The following CARD8 variants were observed in gnomAD, a reference collection of about 807,000 sequenced individuals.
CARD8 encodes caspase recruitment domain family member 8.
CARD8 carries 38 observed loss-of-function variants against 53.2 expected under a neutral mutation model. The ratio of observed to expected loss-of-function variants is 0.71; its 90% CI spans 0.55 to 0.94. The LOEUF (loss-of-function observed/expected upper bound fraction) is 0.94. CARD8 is among the 40% of genes least tolerant of loss of function. CARD8 has a pLI of 0.00. For missense variants in CARD8, 561 were observed against 655.5 expected (o/e 0.86, Z 1.57); for synonymous variants, 245 against 244.9 (o/e 1.00, Z 0.00).
downstream of CARD8, chr19:48,206,395 G>C (rs1287156774): frequency 2.2e-6 from 1 of 456,780 alleles, no homozygotes; most frequent in Non-Finnish European, 4.4e-6. Context: ...GTATTGGATA[G>C]TGAAGATCTA....
chr19:48,230,401 C>T lies in CARD8; in HGVS notation c.1035+37G>A, dbSNP rs755601414. ...CAAGGGGATAACCTGGAAATATAAT[C>T]GTCATCTTCTCTGGTCTCCTAAATC... On this transcript the variant is annotated intron_variant, in intron 10 of 13. Coordinates refer to ENST00000651546, the MANE Select transcript of CARD8 (RefSeq NM_001184900.3). The T allele has an allele frequency of 2.6e-6, 4 of 1,556,032 alleles. No individual in the cohort carries two copies. The Admixed American group carries it at 5.6e-5, about 22-fold the overall frequency.
intron 8 of CARD8, among the ~76,000 whole-genome samples, chr19:48,231,298 AT>A (rs1205959935): frequency 6.6e-6 from 1 of 152,030 alleles, no homozygotes; most frequent in Non-Finnish European, 1.5e-5. Flanking sequence ...TTTTGTATTT[AT>A]ATTTTTATTT....
chr19:48,253,541 G>C (rs1295814982), intron 1 of CARD8, among the ~76,000 whole-genome samples: 1 of 152,072 alleles, frequency 6.6e-6, no homozygotes. Context: ...GGCTTCAAGA[G>C]CATTTCCCTC....
At chr19:48,253,702 A>G (rs2147180277) in intron 1 of CARD8, among the ~76,000 whole-genome samples, 1 of 152,340 alleles carries the variant, frequency 6.6e-6, no homozygotes, top group Non-Finnish European at 1.5e-5. Flanking sequence ...AGCATTACTA[A>G]GTATAAAGTA....
chr19:48,252,803 G>GTATATATA (rs370220292), intron 1 of CARD8, among the ~76,000 whole-genome samples: 48 of 60,820 alleles, frequency 7.9e-4, no homozygotes, highest in African/African-American at 1.3e-3. Flanking sequence ...GGCCTTATCA[G>GTATATATA]TATATACACA....
At chr19:48,212,414 T>C (rs555985369) in intron 13 of CARD8, among the ~76,000 whole-genome samples, 122 of 152,286 alleles carry the variant, frequency 8.0e-4, no homozygotes, top group African/African-American at 2.6e-3. Context: ...GGCAGAGCTA[T>C]GAAAGAAGAG....
chr19:48,224,065 G>GA (rs2041251487), intron 10 of CARD8, among the ~76,000 whole-genome samples: 1 of 152,096 alleles, frequency 6.6e-6, no homozygotes, highest in Non-Finnish European at 1.5e-5. Context: ...AGGTTCAAGC[G>GA]ATTCTCCTGC....
Position 48,210,548 on chromosome 19 carries a change from ACTATATC to A in CARD8, c.*1155_*1161del, listed in dbSNP as rs1441935805. The A allele has an allele frequency of 1.3e-5, 2 of 152,206 alleles. No homozygotes were observed. The highest frequency in any genetic ancestry group is 2.9e-5 in the Non-Finnish European group (2 of 68,020). The allele number at this position is 152,206 out of a possible 1,614,324, so 9.4% of individuals were successfully genotyped here. A position where few individuals can be genotyped will look rare whatever the true frequency, so the allele number is the denominator to read the frequency against. The stretch of plus-strand genomic sequence containing the variant: ...ATACAGAAAGATTATGTAGAAGATA[ACTATATC>A]CTAGATGAGAAAAGGTAATAGGATC... On this transcript the variant is annotated 3_prime_UTR_variant, in exon 14 of 14. Coordinates refer to ENST00000651546, the MANE Select transcript of CARD8 (RefSeq NM_001184900.3).
chr19:48,219,080 T>C, intron 11 of CARD8, 68 bp from the exon 12 acceptor site: 1 of 1,469,406 alleles, frequency 6.8e-7, no homozygotes, highest in South Asian at 1.2e-5. Context: ...TACAGTGAAC[T>C]GGCCAATGGA....
chr19:48,223,487 G>A (rs2041111237), intron 10 of CARD8, among the ~76,000 whole-genome samples: 1 of 152,048 alleles, frequency 6.6e-6, no homozygotes, highest in Non-Finnish European at 1.5e-5. Flanking sequence ...TATCCAGGAG[G>A]CATCACATAT....
intron 6 of CARD8, 121 bp downstream of exon 6, chr19:48,234,282 T>C: frequency 1.0e-6 from 1 of 999,172 alleles, no homozygotes; most frequent in Non-Finnish European, 1.5e-6. Flanking sequence ...TAGTATTGCA[T>C]AAGCTCATTC....
Position 48,238,386 on chromosome 19 carries a change from T to TC in CARD8, c.205dup (p.Asp69GlyfsTer12), listed in dbSNP as rs1375006446. On this transcript the variant is annotated frameshift_variant, in exon 5 of 14. Transcript: ENST00000651546. LOFTEE classifies it high-confidence loss of function. ...CCAACAAATAGATGTCCCTTACGTA[T>TC]CATTTGTCACACAGGCCTCAGCCTG... 2.6e-6 allele frequency: 4 copies of TC among 1,535,764 alleles called. No homozygotes were observed. In the African/African-American group the frequency reaches 5.5e-5, roughly 21 times the overall value.
chr19:48,237,505 A>C (rs1201250781), intron 5 of CARD8, among the ~76,000 whole-genome samples: 1 of 152,042 alleles, frequency 6.6e-6, no homozygotes, highest in Non-Finnish European at 1.5e-5. Context: ...TTGTTACAGG[A>C]AGTATTATCG....
chr19:48,207,743 T>TTGTTTTTTG (rs1568596028), downstream of CARD8, among the ~76,000 whole-genome samples: 13 of 63,756 alleles, frequency 2.0e-4, no homozygotes, highest in African/African-American at 6.0e-4. Flanking sequence ...TGTTTTTTTT[T>TTGTTTTTTG]TTTTTTTTTT....
intron 10 of CARD8, among the ~76,000 whole-genome samples, chr19:48,228,542 C>G (rs1302773530): frequency 2.0e-5 from 3 of 152,110 alleles, no homozygotes; most frequent in African/African-American, 7.2e-5. Context: ...GTCATCCACA[C>G]AGAGAGATCT....
intron 1 of CARD8, among the ~76,000 whole-genome samples, chr19:48,255,270 G>A (rs1166003398): frequency 1.3e-5 from 2 of 152,120 alleles, no homozygotes; most frequent in East Asian, 1.9e-4. Flanking sequence ...GGAGACTGAG[G>A]CACGAGAATC....
At chr19:48,217,629 C>T (rs370087784) in intron 12 of CARD8, among the ~76,000 whole-genome samples, 2 of 126,828 alleles carry the variant, frequency 1.6e-5, no homozygotes, top group Non-Finnish European at 3.6e-5. Flanking sequence ...ATGTTAATAT[C>T]CTTCCCTTCA....
At chr19:48,207,867 CTGGGAT>C (rs1275138865), downstream of CARD8, among the ~76,000 whole-genome samples, 1 of 151,008 alleles carries the variant, frequency 6.6e-6, no homozygotes, top group Non-Finnish European at 1.5e-5. Flanking sequence ...TCCCGAGCAG[CTGGGAT>C]TACAGACATG....
At chr19:48,234,594 T>C (rs2043532153) in intron 5 of CARD8, 51 bp from the exon 6 acceptor site, 1 of 1,529,894 alleles carries the variant, frequency 6.5e-7, no homozygotes, top group Non-Finnish European at 8.9e-7. Context: ...AGGTGCCTGA[T>C]GATAGCATAG....
Sources: gnomAD v4.1 joint callset for allele counts (sites outside exome capture counted in the v4.1 genomes callset) on GRCh38, gnomAD v4.1.1 for gene constraint, MANE v1.5 for transcripts, NCBI Gene and HGNC (gene_info 2026-07-23, HGNC 2026-07-21) for gene names.